The following CSMD1 variants were observed in gnomAD, a reference collection of about 807,000 sequenced individuals.
CSMD1 encodes the protein CUB and sushi domain-containing protein 1.
A neutral mutation model predicts 417.5 loss-of-function variants in CSMD1; 213 were observed. That is an observed-to-expected ratio of 0.51 (90% CI 0.46 to 0.57). The LOEUF (loss-of-function observed/expected upper bound fraction) is 0.57. Among genes scored for constraint, CSMD1 ranks in the 20% least tolerant of loss-of-function variants. The pLI, the probability that CSMD1 is intolerant of heterozygous loss-of-function variation, is 0.00. For synonymous variants in CSMD1, 2,862 were observed against 1,736.8 expected (o/e 1.65, Z -16.11); for missense variants, 6,923 against 4,529.7 (o/e 1.53, Z -15.17).
chr8:3,839,625 C>A (rs1262940618), intron 5 of CSMD1, among the ~76,000 whole-genome samples: 2 of 138,822 alleles, frequency 1.4e-5, no homozygotes. Flanking sequence ...GCACTCCAGC[C>A]TGGGCAACAA....
chr8:4,872,078 T>C (rs1802767403), intron 1 of CSMD1, among the ~76,000 whole-genome samples: 2 of 152,124 alleles, frequency 1.3e-5, no homozygotes, highest in Non-Finnish European at 2.9e-5. Context: ...CCCTAGTATG[T>C]GTCAGGCTCT....
intron 26 of CSMD1, among the ~76,000 whole-genome samples, chr8:3,271,105 A>T (rs1358579794): frequency 9.0e-6 from 1 of 111,038 alleles, no homozygotes; most frequent in African/African-American, 3.5e-5. Flanking sequence ...CAGTCCCCAG[A>T]GTGTGATGTT....
intron 1 of CSMD1, among the ~76,000 whole-genome samples, chr8:4,812,758 C>T (rs903446537): frequency 1.3e-5 from 2 of 152,050 alleles, no homozygotes; most frequent in Non-Finnish European, 2.9e-5. Flanking sequence ...TGGAAAAGAC[C>T]TTGAGTTTGT....
rs1554468305 is a variant in CSMD1 at position 3,556,412 on chromosome 8, T to TACACATAC, written c.1344+18532_1344+18533insGTATGTGT. On this transcript the variant is annotated intron_variant, in intron 10 of 69. Transcript: ENST00000635120. Reference sequence around the variant, plus strand: ...TAATTAATATATATATATATATATATATTCACACACACAAAGAATTTATGA... The same window carrying TACACATAC: ...TAATTAATATATATATATATATATATACACATACATTCACACACACAAAGAATTTATGA... Among the ~76,000 whole-genome samples, 86 of 134,604 alleles carry TACACATAC rather than the reference T, an allele frequency of 6.4e-4. 5 individuals carry two copies. The highest frequency in any genetic ancestry group is 2.6e-3 in the African/African-American group (78 of 29,870). 88.3% of individuals were successfully genotyped at this position (134,604 alleles called of 152,430 possible).
chr8:4,440,996 CAA>C (rs34791858), intron 2 of CSMD1, among the ~76,000 whole-genome samples: 6 of 126,718 alleles, frequency 4.7e-5, no homozygotes, highest in South Asian at 2.6e-4. Flanking sequence ...GACTCTATCT[CAA>C]AAAAAAAAAA....
intron 10 of CSMD1, among the ~76,000 whole-genome samples, chr8:3,519,661 C>T (rs1420870617): frequency 6.6e-6 from 1 of 152,174 alleles, no homozygotes; most frequent in Non-Finnish European, 1.5e-5. Context: ...GCTTATCAAG[C>T]AGCATGCAGG....
intron 4 of CSMD1, 59 bp from the exon 5 acceptor site, chr8:3,998,169 T>C: frequency 7.0e-7 from 1 of 1,429,260 alleles, no homozygotes; most frequent in Admixed American, 2.0e-5. Flanking sequence ...CATACACGAG[T>C]GTGTCCACCA....
intron 26 of CSMD1, among the ~76,000 whole-genome samples, chr8:3,244,325 A>G (rs995189191): frequency 6.6e-6 from 1 of 152,130 alleles, no homozygotes; most frequent in East Asian, 1.9e-4. Flanking sequence ...CAATTTAGGA[A>G]TCAGGCAGTC....
chr8:3,698,166 C>T (rs1018233224), intron 7 of CSMD1, among the ~76,000 whole-genome samples: 6 of 152,134 alleles, frequency 3.9e-5, no homozygotes, highest in African/African-American at 9.7e-5. Flanking sequence ...ACAGCAGTCC[C>T]CTTCACAGCA....
At chr8:3,229,512 G>T (rs1419964426) in intron 27 of CSMD1, among the ~76,000 whole-genome samples, 1 of 151,978 alleles carries the variant, frequency 6.6e-6, no homozygotes, top group Non-Finnish European at 1.5e-5. Flanking sequence ...CTTTTAATAA[G>T]GTCAAACTAT....
chr8:3,350,269 TATAATA>T lies in CSMD1; in HGVS notation c.3305-2114_3305-2109del, dbSNP rs780824972. Among the ~76,000 whole-genome samples, 5 of 145,170 alleles carry T rather than the reference TATAATA, an allele frequency of 3.4e-5. 1 individual carries two copies. Among genetic ancestry groups the T allele is most frequent in the Non-Finnish European group, 7.6e-5 (5 of 66,006 alleles). On this transcript the variant is annotated intron_variant, in intron 21 of 69. Transcript: ENST00000635120. ...GTGTGTTATAATACCTATAATAACCTATAATAACTTGTGTATGTGTGTGTTATAATA... is the reference window on the plus strand; with the variant it reads ...GTGTGTTATAATACCTATAATAACCTACTTGTGTATGTGTGTGTTATAATA...
intron 1 of CSMD1, among the ~76,000 whole-genome samples, chr8:4,763,549 A>G (rs1812256210): frequency 6.6e-6 from 1 of 152,180 alleles, no homozygotes; most frequent in Non-Finnish European, 1.5e-5. Flanking sequence ...GGCACCATAG[A>G]AAGAGCAGAT....
chr8:4,913,205 G>C (rs949822555), intron 1 of CSMD1, among the ~76,000 whole-genome samples: 5 of 152,186 alleles, frequency 3.3e-5, no homozygotes, highest in African/African-American at 9.7e-5. Flanking sequence ...AAACCTAGTA[G>C]CGTTGCTGTT....
chr8:4,679,112 T>G (rs1805875310), intron 1 of CSMD1, among the ~76,000 whole-genome samples: 1 of 152,166 alleles, frequency 6.6e-6, no homozygotes, highest in Non-Finnish European at 1.5e-5. Flanking sequence ...TGCGCAAGTT[T>G]CTTTTTCTGT....
chr8:4,873,294 T>G (rs1291444504), intron 1 of CSMD1, among the ~76,000 whole-genome samples: 1 of 152,126 alleles, frequency 6.6e-6, no homozygotes, highest in Non-Finnish European at 1.5e-5. Flanking sequence ...AAAAATGCCT[T>G]TTAAAATTCA....
intron 3 of CSMD1, among the ~76,000 whole-genome samples, chr8:4,066,657 C>A (rs1280669268): frequency 6.6e-6 from 1 of 152,138 alleles, no homozygotes; most frequent in African/African-American, 2.4e-5. Context: ...TGTTTTTGCT[C>A]ATCAAACCAA....
intron 18 of CSMD1, among the ~76,000 whole-genome samples, chr8:3,370,694 G>C (rs1187391703): frequency 6.6e-6 from 1 of 152,144 alleles, no homozygotes; most frequent in Non-Finnish European, 1.5e-5. Flanking sequence ...CAGAGAAAAG[G>C]CTGGGCACGG....
At chr8:3,311,086 T>TAA (rs1805307009) in intron 23 of CSMD1, among the ~76,000 whole-genome samples, 1 of 132,946 alleles carries the variant, frequency 7.5e-6, no homozygotes, top group African/African-American at 2.5e-5. Context: ...AAAATTAATG[T>TAA]AATATACCTA....
rs1300965109 is a variant in CSMD1, at chr8:4,237,674, C to G, written c.415+182279G>C. ...GAGACTGGAGGTGTGCACCACCATG[C>G]CCAGCTAATTTTACTTTTTGTAGAG... On this transcript the variant is annotated intron_variant, in intron 3 of 69. Coordinates refer to ENST00000635120, the MANE Select transcript of CSMD1 (RefSeq NM_033225.6). Among the ~76,000 whole-genome samples, 4 of 152,062 alleles carry G rather than the reference C, an allele frequency of 2.6e-5. No homozygotes were observed. The East Asian group carries it at 7.7e-4, about 29-fold the overall frequency.
Sources: allele counts gnomAD v4.1 joint callset (sites outside exome capture counted in the v4.1 genomes callset), GRCh38; gene constraint gnomAD v4.1.1; transcripts MANE v1.5; gene names NCBI Gene and HGNC (gene_info 2026-07-23, HGNC 2026-07-21).